LAMB1: variants seen among roughly 807,000 people sequenced by gnomAD.
LAMB1 encodes the protein laminin subunit beta-1.
LAMB1 carries 121 observed loss-of-function variants against 222.3 expected under a neutral mutation model. The ratio of observed to expected loss-of-function variants is 0.54; its 90% CI spans 0.47 to 0.63. The LOEUF is 0.63. Ranked by LOEUF, LAMB1 falls within the 30% of genes least tolerant of loss-of-function variation. The pLI, the probability that LAMB1 is intolerant of heterozygous loss-of-function variation, is 0.00. For synonymous variants in LAMB1, 794 were observed against 807.2 expected (o/e 0.98, Z 0.28); for missense variants, 2,172 against 2,240.8 (o/e 0.97, Z 0.62).
intron 13 of LAMB1, among the ~76,000 whole-genome samples, chr7:107,969,112 C>T (rs1308531465): frequency 6.6e-6 from 1 of 151,964 alleles, no homozygotes; most frequent in African/African-American, 2.4e-5. Context: ...CACGGTGAAA[C>T]CCCATCTCCA....
At chr7:107,939,750 A>C (rs2032935587) in intron 25 of LAMB1, among the ~76,000 whole-genome samples, 1 of 152,172 alleles carries the variant, frequency 6.6e-6, no homozygotes, top group Non-Finnish European at 1.5e-5. Context: ...AGCACTGAAT[A>C]TAATGCTTGC....
intron 5 of LAMB1, among the ~76,000 whole-genome samples, chr7:107,991,637 G>A (rs1418329062): frequency 1.3e-5 from 2 of 151,482 alleles, no homozygotes; most frequent in Non-Finnish European, 2.9e-5. Context: ...TAGGCTGGGC[G>A]CGGTAGCTCA....
chr7:108,003,147 C>T lies in LAMB1; in HGVS notation c.-123G>A. On this transcript the variant is annotated 5_prime_UTR_variant, in exon 1 of 34. Coordinates refer to ENST00000222399, the MANE Select transcript of LAMB1 (RefSeq NM_002291.3). Reference sequence around the variant, plus strand: ...AGCTCTCGCCCTGCTCCGGGAGCCCCCGAGCCCAAAGAAGGGAATTAGAAA... The same window carrying T: ...AGCTCTCGCCCTGCTCCGGGAGCCCTCGAGCCCAAAGAAGGGAATTAGAAA... 1 of 631,602 alleles carries T rather than the reference C, an allele frequency of 1.6e-6. No individual in the cohort carries two copies. The highest frequency in any genetic ancestry group is 2.5e-5 in the South Asian group (1 of 40,588). The allele number at this position is 631,602 out of a possible 1,614,324, so 39.1% of individuals were successfully genotyped here. A position where few individuals can be genotyped will look rare whatever the true frequency, so the allele number is the denominator to read the frequency against.
At chr7:107,977,371 A>G (rs933400547) in intron 9 of LAMB1, among the ~76,000 whole-genome samples, 1 of 152,182 alleles carries the variant, frequency 6.6e-6, no homozygotes, top group South Asian at 2.1e-4. Flanking sequence ...GGAGGGAGGT[A>G]TGCCAGAGGC....
chr7:107,958,179 C>T (rs150917442), intron 20 of LAMB1, among the ~76,000 whole-genome samples: 38 of 152,252 alleles, frequency 2.5e-4, no homozygotes, highest in Middle Eastern at 3.4e-3. Flanking sequence ...TAATGGAAAA[C>T]GGCTGAAAAG....
chr7:107,993,740 G>A (rs146259228), intron 5 of LAMB1, among the ~76,000 whole-genome samples: 3 of 152,334 alleles, frequency 2.0e-5, no homozygotes, highest in Non-Finnish European at 4.4e-5. Context: ...TTAATCACCA[G>A]ATTGTGTGGT....
chr7:107,928,133 TAA>T (rs1483511491), intron 31 of LAMB1, among the ~76,000 whole-genome samples: 1 of 152,232 alleles, frequency 6.6e-6, no homozygotes, highest in Non-Finnish European at 1.5e-5. Flanking sequence ...TTTTAAGAGA[TAA>T]AGAGGATTTT....
chr7:107,925,913 AG>A, intron 32 of LAMB1, among the ~76,000 whole-genome samples: 1 of 144,930 alleles, frequency 6.9e-6, no homozygotes, highest in East Asian at 1.9e-4. Context: ...AAAAAAAAAA[AG>A]CCTGTTTTGA....
intron 15 of LAMB1, among the ~76,000 whole-genome samples, chr7:107,962,198 C>A (rs747565193): frequency 6.6e-6 from 1 of 152,202 alleles, no homozygotes; most frequent in Non-Finnish European, 1.5e-5. Flanking sequence ...AGCCCTGGCT[C>A]GGGCTGGCTG....
chr7:107,963,213 T>C, intron 14 of LAMB1, 150 bp from the exon 15 acceptor site: 1 of 726,644 alleles, frequency 1.4e-6, no homozygotes, highest in Middle Eastern at 4.0e-4. Context: ...TAATAGATTG[T>C]AAAAAGTTTC....
Position 107,947,868 on chromosome 7 carries a change from C to T in LAMB1, c.3391+3358G>A, listed in dbSNP as rs766710289. ...GGTGATGACCCAAAATACTCCCCTC[C>T]TCCCAAATTTCCAAATGTCCCCACC... On this transcript the variant is annotated intron_variant, in intron 24 of 33. Coordinates refer to ENST00000222399, the MANE Select transcript of LAMB1 (RefSeq NM_002291.3). 3.3e-5 allele frequency among the ~76,000 whole-genome samples: 5 copies of T among 152,176 alleles called. No homozygotes were observed. The South Asian group carries it at 8.3e-4, about 25-fold the overall frequency.
intron 5 of LAMB1, among the ~76,000 whole-genome samples, chr7:107,991,898 T>A (rs2034190789): frequency 7.6e-6 from 1 of 131,860 alleles, no homozygotes. Flanking sequence ...AGAGCGAGAC[T>A]TCGTCTCAAA....
At position 107,980,627 on chromosome 7, in the gene LAMB1, A is replaced by G; in HGVS notation, c.861T>C (p.Asn287=). Residue 287 remains asparagine, a synonymous_variant, in exon 8 of 34, where the codon AAT becomes AAC. Coordinates refer to ENST00000222399, the MANE Select transcript of LAMB1 (RefSeq NM_002291.3). The part of the protein sequence containing the change: ...ASECAPVDGF[N]EEVEGMVHGH... ...TACTTACCATTCCTTCCACTTCTTCATTGAATCCATCCACAGGGGCACATT... is the reference window on the plus strand; with the variant it reads ...TACTTACCATTCCTTCCACTTCTTCGTTGAATCCATCCACAGGGGCACATT... 1.2e-6 allele frequency: 2 copies of G among 1,614,016 alleles called. No homozygotes were observed. The highest frequency in any genetic ancestry group is 1.7e-6 in the Non-Finnish European group (2 of 1,179,952).
At position 107,978,171 on chromosome 7, in the gene LAMB1, G is replaced by A. The variant is rs1245813763; in HGVS notation, c.880-4C>T. ...TGCACATGCAGTGTCCGTGAACCTT[G>A]AAAGTTATAAAAACAGGAGAGAACA... On this transcript the variant is annotated splice_polypyrimidine_tract_variant and splice_region_variant and intron_variant, in intron 8 of 33. Coordinates refer to ENST00000222399, the MANE Select transcript of LAMB1 (RefSeq NM_002291.3). 4.3e-6 allele frequency: 7 copies of A among 1,613,196 alleles called. No homozygotes were observed. The highest frequency in any genetic ancestry group is 5.9e-6 in the Non-Finnish European group (7 of 1,179,626).
intron 9 of LAMB1, among the ~76,000 whole-genome samples, chr7:107,976,554 C>T (rs1433598224): frequency 2.6e-5 from 4 of 152,170 alleles, no homozygotes; most frequent in African/African-American, 9.7e-5. Context: ...CTTGACTCAG[C>T]CTGGCCCTCC....
chr7:107,980,500 TA>T (rs2033950775), intron 8 of LAMB1, 108 bp downstream of exon 8: 4 of 889,188 alleles, frequency 4.5e-6, no homozygotes, highest in Admixed American at 2.2e-5. Flanking sequence ...TGTAACTCTG[TA>T]AAACTAAAAC....
chr7:107,933,732 T>G (rs1330167986), intron 27 of LAMB1, among the ~76,000 whole-genome samples: 1 of 152,104 alleles, frequency 6.6e-6, no homozygotes. Flanking sequence ...CAGAAAGAAT[T>G]CTCACAGGAT....
intron 4 of LAMB1, among the ~76,000 whole-genome samples, chr7:107,996,379 G>A (rs903736426): frequency 1.8e-4 from 27 of 152,120 alleles, no homozygotes; most frequent in African/African-American, 6.5e-4. Context: ...TCAGACCTAG[G>A]AAGAGATCAT....
chr7:107,958,149 A>C (rs1005032824), intron 20 of LAMB1, among the ~76,000 whole-genome samples: 1 of 151,916 alleles, frequency 6.6e-6, no homozygotes, highest in Admixed American at 6.6e-5. Flanking sequence ...CTTATTCTCC[A>C]TCTCTCTTTG....
Sources: allele counts gnomAD v4.1 joint callset (sites outside exome capture counted in the v4.1 genomes callset), GRCh38; gene constraint gnomAD v4.1.1; transcripts MANE v1.5; gene names NCBI Gene and HGNC (gene_info 2026-07-23, HGNC 2026-07-21).